The following CRCP variants were observed in gnomAD, a reference collection of about 807,000 sequenced individuals.
CRCP encodes the protein DNA-directed RNA polymerase III subunit RPC9.
A neutral mutation model predicts 18.5 loss-of-function variants in CRCP; 18 were observed. That is an observed-to-expected ratio of 0.97 (90% CI 0.67 to 1.44). The LOEUF is 1.44. Ranked by LOEUF, CRCP falls within the 40% of genes most tolerant of loss-of-function variation. CRCP has a pLI of 0.00. For synonymous variants in CRCP, 53 were observed against 62.9 expected, an observed-to-expected ratio of 0.84 and a Z score of 0.75; for missense variants, 130 against 176.4, an observed-to-expected ratio of 0.74 and a Z score of 1.49.
intron 1 of CRCP, among the ~76,000 whole-genome samples, chr7:66,116,123 A>G (rs1787254110): frequency 1.3e-5 from 2 of 152,076 alleles, no homozygotes; most frequent in African/African-American, 4.8e-5. Flanking sequence ...TTTAAACACA[A>G]TATGTCTGTG....
chr7:66,150,028 G>C (rs543845766), intron 5 of CRCP, among the ~76,000 whole-genome samples: 1 of 152,000 alleles, frequency 6.6e-6, no homozygotes, highest in Admixed American at 6.5e-5. Context: ...GGATGGTCTC[G>C]ATCTCCTGAC....
intron 1 of CRCP, among the ~76,000 whole-genome samples, chr7:66,120,888 C>G (rs1004684777): frequency 6.6e-6 from 1 of 151,968 alleles, no homozygotes; most frequent in African/African-American, 2.4e-5. Context: ...GGACCAATCT[C>G]CAGTGAATAC....
At chr7:66,140,038 T>G (rs1344388164) in intron 4 of CRCP, among the ~76,000 whole-genome samples, 2 of 152,200 alleles carry the variant, frequency 1.3e-5, no homozygotes, top group Non-Finnish European at 2.9e-5. Context: ...AAGGGAAAAA[T>G]GACTCTTGGG....
At chr7:66,151,188 G>A (rs1452270610) in intron 5 of CRCP, among the ~76,000 whole-genome samples, 1 of 152,202 alleles carries the variant, frequency 6.6e-6, no homozygotes, top group Non-Finnish European at 1.5e-5. Context: ...CAGGGCTGTT[G>A]CTAGTGGGAG....
At chr7:66,119,362 T>C (rs1298493345) in intron 1 of CRCP, among the ~76,000 whole-genome samples, 1 of 152,180 alleles carries the variant, frequency 6.6e-6, no homozygotes, top group Admixed American at 6.6e-5. Context: ...TAATATCCTT[T>C]AAATAAACCA....
chr7:66,120,490 G>A (rs1188684357), intron 1 of CRCP: 2 of 152,006 alleles, frequency 1.3e-5, no homozygotes, highest in African/African-American at 4.8e-5. Context: ...AGATAGACAT[G>A]TGATTTGGGA....
At chr7:66,124,884 TCA>T (rs1264198992) in intron 1 of CRCP, among the ~76,000 whole-genome samples, 2 of 149,352 alleles carry the variant, frequency 1.3e-5, no homozygotes, top group Admixed American at 1.3e-4. Flanking sequence ...CAATGTAAAC[TCA>T]CATTTCTTCA....
chr7:66,145,524 G>T, intron 5 of CRCP, 24 bp downstream of exon 5: 1 of 1,613,326 alleles, frequency 6.2e-7, no homozygotes, highest in African/African-American at 1.3e-5. Context: ...GCCTGTGCTG[G>T]GGAGGCTGCT....
chr7:66,123,925 G>C lies in CRCP; in HGVS notation c.9-3779G>C, dbSNP rs371840886. On this transcript the variant is annotated intron_variant, in intron 1 of 5. Transcript: ENST00000395326. Reference sequence around the variant, plus strand: ...CCGGGCGTGGTGGCTGGCGCCTGTAGTCCCAGCTACTCCAGAGGCTGAGGC... The same window carrying C: ...CCGGGCGTGGTGGCTGGCGCCTGTACTCCCAGCTACTCCAGAGGCTGAGGC... Among the ~76,000 whole-genome samples the C allele has an allele frequency of 3.3e-4, 49 of 148,006 alleles. 3 individuals are homozygous for C. The East Asian group carries it at 8.8e-3, about 27-fold the overall frequency.
At chr7:66,136,218 GT>G (rs1295958495) in intron 4 of CRCP, among the ~76,000 whole-genome samples, 9 of 147,196 alleles carry the variant, frequency 6.1e-5, no homozygotes, top group Admixed American at 2.1e-4. Context: ...AAACTAGCCC[GT>G]TTTTTTTTTA....
chr7:66,140,638 G>A (rs888614476), intron 4 of CRCP, among the ~76,000 whole-genome samples: 10 of 151,998 alleles, frequency 6.6e-5, no homozygotes, highest in African/African-American at 2.4e-4. Context: ...GTGATTCGCC[G>A]CCTCAGCCTC....
intron 2 of CRCP, among the ~76,000 whole-genome samples, chr7:66,129,765 G>A (rs1181552849): frequency 2.6e-5 from 4 of 152,076 alleles, no homozygotes; most frequent in Admixed American, 2.0e-4. Flanking sequence ...TATCCATTGG[G>A]GAAACATTGC....
rs545430115 is a variant in CRCP at position 66,141,717 on chromosome 7, G to A, written c.240-3726G>A. ...CGAGGAGCAGCCGCTGGATTTGTCC[G>A]TGTGGAGGCACCAGGCCCTTGAAGC... On this transcript the variant is annotated intron_variant, in intron 4 of 5. Coordinates refer to ENST00000395326, the MANE Select transcript of CRCP (RefSeq NM_014478.5). Among the ~76,000 whole-genome samples, 50 of 152,324 alleles carry A rather than the reference G, an allele frequency of 3.3e-4. 2 individuals are homozygous for A. In the South Asian group the frequency reaches 7.7e-3, roughly 23 times the overall value.
chr7:66,131,053 C>T (rs1450287636), intron 3 of CRCP, among the ~76,000 whole-genome samples: 2 of 152,200 alleles, frequency 1.3e-5, no homozygotes, highest in African/African-American at 4.8e-5. Context: ...TCGCTCACTG[C>T]AAGCTCCACC....
intron 4 of CRCP, among the ~76,000 whole-genome samples, chr7:66,141,813 G>C (rs150399343): frequency 4.6e-4 from 70 of 152,266 alleles, no homozygotes; most frequent in African/African-American, 1.5e-3. Context: ...GAAGAAGGTA[G>C]AGACAATGAA....
intron 4 of CRCP, among the ~76,000 whole-genome samples, chr7:66,140,165 G>T (rs547309577): frequency 6.6e-6 from 1 of 152,312 alleles, no homozygotes; most frequent in Admixed American, 6.5e-5. Context: ...GTCTCCTGGC[G>T]AGAAAGATTG....
intron 3 of CRCP, among the ~76,000 whole-genome samples, chr7:66,133,369 G>A (rs1401233599): frequency 5.9e-5 from 9 of 151,966 alleles, no homozygotes; most frequent in South Asian, 2.1e-4. Flanking sequence ...TTAGCCGGGC[G>A]TGGTGGCAGG....
chr7:66,135,375 A>C (rs992792440), intron 4 of CRCP, among the ~76,000 whole-genome samples: 4 of 152,368 alleles, frequency 2.6e-5, no homozygotes, highest in Admixed American at 6.5e-5. Flanking sequence ...AAATAAGTTA[A>C]ATTGTTTTGA....
At chr7:66,124,303 C>G (rs890548130) in intron 1 of CRCP, among the ~76,000 whole-genome samples, 3 of 141,008 alleles carry the variant, frequency 2.1e-5, no homozygotes, top group African/African-American at 7.9e-5. Flanking sequence ...GAGCTTGCAG[C>G]GAGCCGAGAT....
Sources: gnomAD v4.1 joint callset for allele counts (sites outside exome capture counted in the v4.1 genomes callset) on GRCh38, gnomAD v4.1.1 for gene constraint, MANE v1.5 for transcripts, NCBI Gene and HGNC (gene_info 2026-07-23, HGNC 2026-07-21) for gene names.